Variants in RAB10 observed in about 807,000 individuals in gnomAD.
RAB10 encodes ras-related protein Rab-10.
In RAB10, 5 loss-of-function variants were observed where a neutral mutation model predicts 25.7. The observed-to-expected ratio is 0.19, with a 90% CI of 0.10 to 0.41. The LOEUF (loss-of-function observed/expected upper bound fraction) is 0.41. Among genes scored for constraint, RAB10 ranks in the 10% least tolerant of loss-of-function variants. The probability of loss-of-function intolerance (pLI) is 1.00; values close to 1 mark genes in which losing one functional copy is unlikely to be tolerated. For synonymous variants in RAB10, 89 were observed against 86.4 expected, an observed-to-expected ratio of 1.03 and a Z score of -0.16; for missense variants, 103 against 245.8, an observed-to-expected ratio of 0.42 and a Z score of 3.89.
chr2:26,074,388 G>A (rs944603775), intron 1 of RAB10, among the ~76,000 whole-genome samples: 3 of 151,980 alleles, frequency 2.0e-5, no homozygotes, highest in African/African-American at 4.8e-5. Flanking sequence ...GGTGAGAAGT[G>A]TACTTTTAAA....
chr2:26,129,980 T>G (rs1328598324), intron 5 of RAB10, among the ~76,000 whole-genome samples: 8 of 152,200 alleles, frequency 5.3e-5, no homozygotes, highest in African/African-American at 1.7e-4. Flanking sequence ...CGCAGATACA[T>G]TTTGTTATTT....
chr2:26,057,572 G>A (rs1425279123), intron 1 of RAB10, among the ~76,000 whole-genome samples: 2 of 123,494 alleles, frequency 1.6e-5, no homozygotes, highest in East Asian at 2.7e-4. Context: ...AAAGAACATG[G>A]ATTAGTTAAA....
chr2:26,075,551 T>C (rs1342559743), intron 1 of RAB10, among the ~76,000 whole-genome samples: 3 of 152,014 alleles, frequency 2.0e-5, no homozygotes, highest in African/African-American at 7.3e-5. Context: ...ACAAAATTTT[T>C]TAAAAGGAAA....
In RAB10 at chr2:26,108,879, A is replaced by ATATTTATTTATT. The variant is rs72232011; in HGVS notation, c.189-851_189-840dup. Among the ~76,000 whole-genome samples, 28 of 139,632 alleles carry ATATTTATTTATT rather than the reference A, an allele frequency of 2.0e-4. No individual in the cohort carries two copies. In the East Asian group the frequency reaches 2.2e-3, roughly 11 times the overall value. 91.6% of individuals were successfully genotyped at this position (139,632 alleles called of 152,430 possible). A position where few individuals can be genotyped will look rare whatever the true frequency, so the allele number is the denominator to read the frequency against. Reference sequence around the variant, plus strand: ...GGTTGAGATTGGGGTCTTTTGCTTTATATTTATTTATTTATTTATTTATTT... The same window carrying ATATTTATTTATT: ...GGTTGAGATTGGGGTCTTTTGCTTTATATTTATTTATTTATTTATTTATTTATTTATTTATTT... On this transcript the variant is annotated intron_variant, in intron 2 of 5. Transcript: ENST00000264710.
intron 2 of RAB10, among the ~76,000 whole-genome samples, chr2:26,107,400 ACTAG>A (rs1179230442): frequency 1.3e-5 from 2 of 152,238 alleles, no homozygotes; most frequent in African/African-American, 4.8e-5. Context: ...GAATGAAAAG[ACTAG>A]CTACAGACTT....
chr2:26,067,820 T>C (rs1026673956), intron 1 of RAB10, among the ~76,000 whole-genome samples: 3 of 152,226 alleles, frequency 2.0e-5, no homozygotes, highest in Admixed American at 1.3e-4. Context: ...TCAATACTTA[T>C]TTTGATGCAA....
At chr2:26,070,993 G>T (rs1280866578) in intron 1 of RAB10, among the ~76,000 whole-genome samples, 1 of 152,100 alleles carries the variant, frequency 6.6e-6, no homozygotes, top group Non-Finnish European at 1.5e-5. Flanking sequence ...GCTGACCTTA[G>T]CATGAATCAA....
At chr2:26,130,926 C>CG (rs1553731384) in intron 5 of RAB10, among the ~76,000 whole-genome samples, 1 of 151,948 alleles carries the variant, frequency 6.6e-6, no homozygotes, top group Non-Finnish European at 1.5e-5. Flanking sequence ...CCTAGTGAAA[C>CG]GCTCTTGTCT....
At chr2:26,097,115 G>A (rs1039873393) in intron 1 of RAB10, among the ~76,000 whole-genome samples, 4 of 152,246 alleles carry the variant, frequency 2.6e-5, no homozygotes, top group Admixed American at 6.5e-5. Context: ...TACTTGGAAG[G>A]CTGAGGTAAG....
intron 3 of RAB10, among the ~76,000 whole-genome samples, chr2:26,116,806 T>G (rs1667699246): frequency 1.3e-5 from 2 of 151,918 alleles, no homozygotes; most frequent in African/African-American, 4.8e-5. Context: ...TCTGCCCACC[T>G]CGGCCTCCCA....
intron 1 of RAB10, among the ~76,000 whole-genome samples, chr2:26,087,093 T>C (rs1470614443): frequency 6.6e-6 from 1 of 152,188 alleles, no homozygotes; most frequent in Non-Finnish European, 1.5e-5. Flanking sequence ...TTTTCTTTTT[T>C]TTTGTTCGCT....
chr2:26,059,009 A>C (rs759518042), intron 1 of RAB10, among the ~76,000 whole-genome samples: 13 of 152,228 alleles, frequency 8.5e-5, no homozygotes, highest in Non-Finnish European at 1.9e-4. Context: ...ATGCCTGTAC[A>C]TTCTCAAATA....
intron 1 of RAB10, among the ~76,000 whole-genome samples, chr2:26,091,208 A>G (rs1284599345): frequency 2.0e-5 from 3 of 152,168 alleles, no homozygotes; most frequent in Non-Finnish European, 2.9e-5. Context: ...AAAAATCTCT[A>G]CCCTTTTCAG....
chr2:26,127,110 T>C (rs544832705), intron 3 of RAB10, 34 bp from the exon 4 acceptor site: 24 of 1,444,812 alleles, frequency 1.7e-5, no homozygotes, highest in Non-Finnish European at 2.1e-5. Context: ...TAATTCATGG[T>C]AGTATGTAAA....
At chr2:26,079,381 TTAAG>T (rs1215253119) in intron 1 of RAB10, among the ~76,000 whole-genome samples, 3 of 144,418 alleles carry the variant, frequency 2.1e-5, no homozygotes, top group Non-Finnish European at 1.5e-5. Context: ...GATTAAACAT[TTAAG>T]TAAAAATTTG....
chr2:26,048,631 G>C (rs1480786358), intron 1 of RAB10, among the ~76,000 whole-genome samples: 1 of 152,160 alleles, frequency 6.6e-6, no homozygotes, highest in Non-Finnish European at 1.5e-5. Context: ...GCTCACACCT[G>C]TAATCCCAGC....
At position 26,062,482 on chromosome 2, in the gene RAB10, A is replaced by T. The variant is rs1282819560; in HGVS notation, c.127+27747A>T. Reference sequence around the variant, plus strand: ...CATTTGAGGCCAGGAGTTTGAGACCAGCATGGTCAACCTGGTGAGACCCCA... The same window carrying T: ...CATTTGAGGCCAGGAGTTTGAGACCTGCATGGTCAACCTGGTGAGACCCCA... On this transcript the variant is annotated intron_variant, in intron 1 of 5. Transcript: ENST00000264710. Among the ~76,000 whole-genome samples the T allele has an allele frequency of 3.3e-5, 5 of 152,146 alleles. No individual in the cohort carries two copies. The East Asian group carries it at 9.7e-4, about 29-fold the overall frequency.
intron 3 of RAB10, among the ~76,000 whole-genome samples, chr2:26,117,518 G>A (rs1465772648): frequency 9.2e-5 from 14 of 151,928 alleles, no homozygotes; most frequent in Non-Finnish European, 1.6e-4. Flanking sequence ...AGGAGGCTGA[G>A]GCAGGAGAAT....
chr2:26,034,204 G>A lies in RAB10; in HGVS notation c.-405G>A. On this transcript the variant is annotated 5_prime_UTR_variant, in exon 1 of 6. Coordinates refer to ENST00000264710, the MANE Select transcript of RAB10 (RefSeq NM_016131.5). ...GTCGACTTAGGGGTCCTTCTTCGCT[G>A]CCCTCGCCGCGTGCTAGCAGGGAGT... 1 of 430,082 alleles carries A rather than the reference G, an allele frequency of 2.3e-6. No individual in the cohort carries two copies. The highest frequency in any genetic ancestry group is 4.1e-6 in the Non-Finnish European group (1 of 243,076). The allele number at this position is 430,082 out of a possible 1,614,324, so 26.6% of individuals were successfully genotyped here. A position where few individuals can be genotyped will look rare whatever the true frequency, so the allele number is the denominator to read the frequency against.
Sources: gnomAD v4.1 joint callset for allele counts (sites outside exome capture counted in the v4.1 genomes callset) on GRCh38, gnomAD v4.1.1 for gene constraint, MANE v1.5 for transcripts, NCBI Gene and HGNC (gene_info 2026-07-23, HGNC 2026-07-21) for gene names.